The following SETD4 variants were observed in gnomAD, a reference collection of about 807,000 sequenced individuals.
SETD4 encodes the protein SET domain containing 4.
Under a neutral mutation model 58.3 loss-of-function variants are expected in SETD4, and 46 were observed. The ratio of observed to expected loss-of-function variants is 0.79; its 90% CI spans 0.62 to 1.01. SETD4 has a LOEUF of 1.01. Ranked by LOEUF, SETD4 falls within the 50% of genes least tolerant of loss-of-function variation. SETD4 has a pLI of 0.00. For missense variants in SETD4, 490 were observed against 523.3 expected (o/e 0.94, Z 0.62); for synonymous variants, 190 against 202.6 (o/e 0.94, Z 0.53).
At chr21:36,057,253 G>A (rs371909551) in intron 2 of SETD4, 49 bp from the exon 3 acceptor site, 40 of 1,332,274 alleles carry the variant, frequency 3.0e-5, no homozygotes, top group Non-Finnish European at 3.9e-5. Context: ...CTATATAATC[G>A]GATTACCATT....
At position 36,050,780 on chromosome 21, in the gene SETD4, G is replaced by A. The variant is rs372458149; in HGVS notation, c.208-2384C>T. ...TAAGCCATCTTATTTGCCATGAAGC[G>A]CCATACTTGTTCCAGAAGTATGTTA... is the stretch of plus-strand genomic sequence containing the variant. On this transcript the variant is annotated intron_variant, in intron 4 of 11. Transcript: ENST00000332131. 1,966 of 1,611,622 alleles carry A rather than the reference G, an allele frequency of 1.2e-3. 47 individuals carry two copies. In the South Asian group the frequency reaches 0.02, roughly 16 times the overall value.
chr21:36,040,037 C>T (rs1200421194), intron 9 of SETD4, among the ~76,000 whole-genome samples: 1 of 152,248 alleles, frequency 6.6e-6, no homozygotes, highest in Non-Finnish European at 1.5e-5. Context: ...TACAGCACAG[C>T]TGGATGTGTC....
chr21:36,041,921 G>T, intron 7 of SETD4, 33 bp from the exon 8 acceptor site: 2 of 1,216,632 alleles, frequency 1.6e-6, no homozygotes, highest in Non-Finnish European at 2.3e-6. Context: ...GACTGTTAGG[G>T]CATAAATTTG....
chr21:36,046,050 A>T (rs1453109915), intron 5 of SETD4, 39 bp from the exon 6 acceptor site: 3 of 1,586,470 alleles, frequency 1.9e-6, no homozygotes, highest in African/African-American at 1.4e-5. Flanking sequence ...AATTACTTTG[A>T]TTCAAAATAC....
intron 5 of SETD4, among the ~76,000 whole-genome samples, chr21:36,047,564 G>C (rs2123651831): frequency 6.6e-6 from 1 of 152,246 alleles, no homozygotes; most frequent in East Asian, 1.9e-4. Flanking sequence ...TATGAGCCAA[G>C]GCACTCAGCT....
intron 8 of SETD4, 63 bp downstream of exon 8, chr21:36,041,744 C>T: frequency 5.0e-6 from 6 of 1,194,230 alleles, no homozygotes; most frequent in Non-Finnish European, 7.1e-6. Flanking sequence ...GAAAATTTAA[C>T]CCCAGGTTTT....
At chr21:36,045,190 C>T (rs148497907) in intron 6 of SETD4, among the ~76,000 whole-genome samples, 4 of 152,152 alleles carry the variant, frequency 2.6e-5, no homozygotes, top group Non-Finnish European at 5.9e-5. Flanking sequence ...GCGATCAGAG[C>T]GAAGAGAAAT....
intron 10 of SETD4, among the ~76,000 whole-genome samples, chr21:36,037,138 T>C (rs2063817352): frequency 6.6e-6 from 1 of 152,192 alleles, no homozygotes; most frequent in African/African-American, 2.4e-5. Context: ...AATAACAATA[T>C]ATTATGTACT....
chr21:36,035,665 TA>T lies in SETD4; in HGVS notation c.*327del, dbSNP rs1245847543. 9.5e-6 allele frequency: 2 copies of T among 211,082 alleles called. No individual in the cohort carries two copies. The highest frequency in any genetic ancestry group is 1.9e-5 in the Non-Finnish European group (2 of 103,874). The allele number at this position is 211,082 out of a possible 1,614,324, so 13.1% of individuals were successfully genotyped here. ...TTAACCCAATGGTATCAGAGCATCT[TA>T]AAAGCACAACCACTAGACTCTGATA... On this transcript the variant is annotated 3_prime_UTR_variant, in exon 12 of 12. Coordinates refer to ENST00000332131, the MANE Select transcript of SETD4 (RefSeq NM_017438.5).
At chr21:36,050,316 T>A (rs1198924535) in intron 4 of SETD4, 2 of 1,612,394 alleles carry the variant, frequency 1.2e-6, no homozygotes, top group African/African-American at 2.7e-5. Context: ...AAAGGCCAAA[T>A]GTTGTGAGGA....
chr21:36,058,873 CT>C lies in SETD4; in HGVS notation c.15del (p.Arg7GlufsTer19). 1.2e-6 allele frequency: 2 copies of C among 1,600,070 alleles called. No individual in the cohort carries two copies. Among genetic ancestry groups the C allele is most frequent in the Admixed American group, 3.5e-5 (2 of 57,380 alleles). On this transcript the variant is annotated frameshift_variant, in exon 2 of 12. Transcript: ENST00000332131. LOFTEE classifies it high-confidence loss of function. MQKG[K>X]GRTSRIRRRK... is the part of the protein sequence containing the mutation. The stretch of plus-strand genomic sequence containing the variant: ...CGTCTTCTGATCCGGCTTGTTCTCC[CT>C]TTTCCTTTCTGCATGCTAAAACTGT...
chr21:36,047,372 G>A (rs1047368526), intron 5 of SETD4, among the ~76,000 whole-genome samples: 1 of 152,148 alleles, frequency 6.6e-6, no homozygotes, highest in Non-Finnish European at 1.5e-5. Context: ...CCAGCAGAAC[G>A]TGTGCCAGAA....
At chr21:36,057,969 C>G (rs58418669) in intron 2 of SETD4, among the ~76,000 whole-genome samples, 1 of 152,184 alleles carries the variant, frequency 6.6e-6, no homozygotes, top group African/African-American at 2.4e-5. Context: ...TGGCCAAGCA[C>G]TTTTGTATTG....
chr21:36,060,121 T>C (rs924107829), intron 1 of SETD4: 7 of 985,352 alleles, frequency 7.1e-6, no homozygotes, highest in African/African-American at 7.0e-5. Flanking sequence ...GGCCTCAGGC[T>C]CCTCAGCTTT....
chr21:36,048,036 C>CAAGG (rs1157258824), intron 5 of SETD4, among the ~76,000 whole-genome samples: 34 of 107,390 alleles, frequency 3.2e-4, no homozygotes, highest in African/African-American at 3.7e-4. Flanking sequence ...GAGAGAGAGA[C>CAAGG]AAGGAAGGAA....
At position 36,053,574 on chromosome 21, in the gene SETD4, A is replaced by G; in HGVS notation, c.207+9T>C. ...CATTGGGTTTCAAGGATCAAAGAACAGTTCTCACCTGCAGGGATGTTTGAC... is the reference window on the plus strand; with the variant it reads ...CATTGGGTTTCAAGGATCAAAGAACGGTTCTCACCTGCAGGGATGTTTGAC... On this transcript the variant is annotated intron_variant, in intron 4 of 11. Transcript: ENST00000332131. 1.2e-6 allele frequency: 2 copies of G among 1,614,090 alleles called. No homozygotes were observed. The highest frequency in any genetic ancestry group is 1.7e-6 in the Non-Finnish European group (2 of 1,179,944).
intron 4 of SETD4, chr21:36,051,513 G>A: frequency 2.3e-6 from 3 of 1,277,618 alleles, no homozygotes; most frequent in Non-Finnish European, 3.0e-6. Flanking sequence ...ATTAGTTGGA[G>A]AGAGTGGGAG....
intron 4 of SETD4, among the ~76,000 whole-genome samples, chr21:36,049,695 T>C (rs2064541528): frequency 6.6e-6 from 1 of 152,258 alleles, no homozygotes. Flanking sequence ...TTTGAAAATA[T>C]TTGGGTAAAT....
intron 3 of SETD4, among the ~76,000 whole-genome samples, chr21:36,056,054 C>T (rs904246034): frequency 1.4e-4 from 22 of 152,072 alleles, no homozygotes; most frequent in Admixed American, 3.9e-4. Flanking sequence ...ATTTTAGAGG[C>T]TGACAATATG....
Sources: gnomAD v4.1 joint callset for allele counts (sites outside exome capture counted in the v4.1 genomes callset) on GRCh38, gnomAD v4.1.1 for gene constraint, MANE v1.5 for transcripts, NCBI Gene and HGNC (gene_info 2026-07-23, HGNC 2026-07-21) for gene names.